The following ZMAT4 variants were observed in gnomAD, a reference collection of about 807,000 sequenced individuals.
ZMAT4 encodes the protein zinc finger matrin-type 4.
Under a neutral mutation model 28.7 loss-of-function variants are expected in ZMAT4, and 17 were observed. The ratio of observed to expected loss-of-function variants is 0.59; its 90% CI spans 0.41 to 0.89. The LOEUF is 0.89. ZMAT4 is among the 40% of genes least tolerant of loss of function. ZMAT4 has a pLI of 0.00. For missense variants in ZMAT4, 240 were observed against 283.8 expected (o/e 0.85, Z 1.11); for synonymous variants, 117 against 109.2 (o/e 1.07, Z -0.44).
chr8:40,875,770 C>T (rs35125784), intron 1 of ZMAT4, among the ~76,000 whole-genome samples: 4,742 of 152,154 alleles, frequency 0.031, 121 homozygotes, highest in South Asian at 0.086. Context: ...GGCAGTAAGA[C>T]GATGGAGGAG....
intron 1 of ZMAT4, among the ~76,000 whole-genome samples, chr8:40,863,793 C>G (rs1817583695): frequency 6.6e-6 from 1 of 152,122 alleles, no homozygotes; most frequent in South Asian, 2.1e-4. Context: ...TATGGAAGAC[C>G]TTGTGAAAAT....
At chr8:40,850,473 T>C (rs1034704196) in intron 1 of ZMAT4, among the ~76,000 whole-genome samples, 1 of 152,188 alleles carries the variant, frequency 6.6e-6, no homozygotes, top group Non-Finnish European at 1.5e-5. Flanking sequence ...CAGACAGTCA[T>C]GGAAAGTCTC....
At chr8:40,794,601 G>T (rs1814504855) in intron 2 of ZMAT4, among the ~76,000 whole-genome samples, 2 of 152,218 alleles carry the variant, frequency 1.3e-5, no homozygotes, top group Non-Finnish European at 2.9e-5. Flanking sequence ...CCCAACAGCA[G>T]AGCACGTGGC....
At chr8:40,643,785 T>C (rs1807166038) in intron 5 of ZMAT4, among the ~76,000 whole-genome samples, 1 of 42,364 alleles carries the variant, frequency 2.4e-5, no homozygotes, top group African/African-American at 5.9e-5. Flanking sequence ...TGTTTGTGTG[T>C]GTGCAAAAAA....
chr8:40,617,574 A>G (rs1230020601), intron 5 of ZMAT4, among the ~76,000 whole-genome samples: 1 of 152,268 alleles, frequency 6.6e-6, no homozygotes, highest in Non-Finnish European at 1.5e-5. Context: ...TAAAATATAT[A>G]TAAAGCTAAA....
rs569608507 is a variant in ZMAT4 at position 40,686,506 on chromosome 8, C to A, written c.349+10739G>T. The stretch of plus-strand genomic sequence containing the variant: ...AAAATTAGCCTGGCATAGTGATGCA[C>A]GTCTGTAGTCCCTGCTACTCGGGAG... On this transcript the variant is annotated intron_variant, in intron 4 of 6. Coordinates refer to ENST00000297737, the MANE Select transcript of ZMAT4 (RefSeq NM_024645.3). Among the ~76,000 whole-genome samples, 6 of 152,066 alleles carry A rather than the reference C, an allele frequency of 3.9e-5. No homozygotes were observed. In the South Asian group the frequency reaches 1.0e-3, roughly 26 times the overall value.
At chr8:40,578,052 G>T (rs151051941) in intron 6 of ZMAT4, among the ~76,000 whole-genome samples, 1 of 151,924 alleles carries the variant, frequency 6.6e-6, no homozygotes, top group Non-Finnish European at 1.5e-5. Flanking sequence ...ATAGGGAAAC[G>T]CAAAGAGGAA....
chr8:40,684,718 A>G (rs1281047151), intron 4 of ZMAT4, among the ~76,000 whole-genome samples: 1 of 152,324 alleles, frequency 6.6e-6, no homozygotes, highest in East Asian at 1.9e-4. Flanking sequence ...GATCAGTGCC[A>G]GAGGCGCAGC....
At chr8:40,881,579 AAAGAAAGAAAGAAAG>A (rs1818265423) in intron 1 of ZMAT4, among the ~76,000 whole-genome samples, 1 of 107,434 alleles carries the variant, frequency 9.3e-6, no homozygotes, top group African/African-American at 3.8e-5. Flanking sequence ...AGAAAGAAAG[AAAGAAAGAAAGAAAG>A]AAAGAAAAGA....
At chr8:40,820,018 T>A (rs1267273099) in intron 2 of ZMAT4, among the ~76,000 whole-genome samples, 1 of 152,094 alleles carries the variant, frequency 6.6e-6, no homozygotes, top group African/African-American at 2.4e-5. Flanking sequence ...TCAAGTAACA[T>A]CATTTCATTC....
chr8:40,856,144 C>T lies in ZMAT4; in HGVS notation c.-4-30464G>A, dbSNP rs765382883. On this transcript the variant is annotated intron_variant, in intron 1 of 6. Transcript: ENST00000297737. ...GATGTACAATGAAGTTTAAATCATGCGGCTACTGATCTCTGCATTTGTGTT... is the reference window on the plus strand; with the variant it reads ...GATGTACAATGAAGTTTAAATCATGTGGCTACTGATCTCTGCATTTGTGTT... 2.6e-5 allele frequency among the ~76,000 whole-genome samples: 4 copies of T among 152,258 alleles called. No homozygotes were observed. In the South Asian group the frequency reaches 6.2e-4, roughly 24 times the overall value.
At chr8:40,741,446 CA>C (rs34475226) in intron 3 of ZMAT4, among the ~76,000 whole-genome samples, 15,930 of 118,234 alleles carry the variant, frequency 0.13, 887 homozygotes, top group Middle Eastern at 0.22. Context: ...AAGTCTGTCT[CA>C]AAAAAAAAAA....
intron 6 of ZMAT4, among the ~76,000 whole-genome samples, chr8:40,576,980 G>C (rs1259247352): frequency 6.6e-6 from 1 of 152,096 alleles, no homozygotes; most frequent in Non-Finnish European, 1.5e-5. Flanking sequence ...GATCACCTGA[G>C]GTCAGGAGTT....
intron 1 of ZMAT4, among the ~76,000 whole-genome samples, chr8:40,843,182 A>G (rs1236421796): frequency 6.6e-6 from 1 of 152,232 alleles, no homozygotes; most frequent in Non-Finnish European, 1.5e-5. Flanking sequence ...CCTTCTACCC[A>G]TCTCTTCTAA....
At chr8:40,800,749 G>A (rs904476644) in intron 2 of ZMAT4, among the ~76,000 whole-genome samples, 1 of 152,108 alleles carries the variant, frequency 6.6e-6, no homozygotes, top group African/African-American at 2.4e-5. Flanking sequence ...CAGTAAAGCA[G>A]TGTTTAAAGC....
intron 1 of ZMAT4, among the ~76,000 whole-genome samples, chr8:40,885,316 C>G (rs1166396322): frequency 2.0e-5 from 3 of 152,138 alleles, no homozygotes; most frequent in African/African-American, 7.2e-5. Flanking sequence ...TTCAACCCAT[C>G]AGCAAATCCT....
At chr8:40,550,582 G>A (rs374524131) in intron 6 of ZMAT4, among the ~76,000 whole-genome samples, 3 of 152,072 alleles carry the variant, frequency 2.0e-5, no homozygotes, top group Admixed American at 6.5e-5. Context: ...AAGGTAATTG[G>A]ATCATGAGGG....
intron 3 of ZMAT4, among the ~76,000 whole-genome samples, chr8:40,700,982 G>C (rs2150498396): frequency 6.6e-6 from 1 of 152,230 alleles, no homozygotes; most frequent in Non-Finnish European, 1.5e-5. Flanking sequence ...TGGAGCAGAG[G>C]GTTCATTTGT....
chr8:40,617,733 C>T (rs1392173402), intron 5 of ZMAT4, among the ~76,000 whole-genome samples: 1 of 152,096 alleles, frequency 6.6e-6, no homozygotes, highest in Non-Finnish European at 1.5e-5. Context: ...TGCATCAAAG[C>T]TTACAATAAA....
Sources: allele counts gnomAD v4.1 joint callset (sites outside exome capture counted in the v4.1 genomes callset), GRCh38; gene constraint gnomAD v4.1.1; transcripts MANE v1.5; gene names NCBI Gene and HGNC (gene_info 2026-07-23, HGNC 2026-07-21).